GALNTL6: variants seen among roughly 807,000 people sequenced by gnomAD.
GALNTL6 encodes polypeptide N-acetylgalactosaminyltransferase like 6.
In GALNTL6, 46 loss-of-function variants were observed where a neutral mutation model predicts 73.7. That is an observed-to-expected ratio of 0.62 (90% CI 0.49 to 0.80). The LOEUF (loss-of-function observed/expected upper bound fraction) is 0.80, where lower values mean the gene tolerates loss of function less well. Among genes scored for constraint, GALNTL6 ranks in the 30% least tolerant of loss-of-function variants. The pLI is 0.00. For missense variants in GALNTL6, 604 were observed against 755.0 expected (o/e 0.80, Z 2.34); for synonymous variants, 259 against 263.7 (o/e 0.98, Z 0.17).
intron 3 of GALNTL6, among the ~76,000 whole-genome samples, chr4:172,234,674 T>C (rs1007851930): frequency 1.3e-5 from 2 of 152,168 alleles, no homozygotes; most frequent in Admixed American, 6.5e-5. Context: ...TCTTCCTTTT[T>C]TTAATAGCTA....
rs75093776 is a variant in GALNTL6 at position 172,977,218 on chromosome 4, C to A, written c.1371+24960C>A. On this transcript the variant is annotated intron_variant, in intron 10 of 12. Transcript: ENST00000506823. Reference sequence around the variant, plus strand: ...TGGGTTTGTTTGCCAGAAAGAACAACACTCTGGGTCTATTGATGGAAGCAT... The same window carrying A: ...TGGGTTTGTTTGCCAGAAAGAACAAAACTCTGGGTCTATTGATGGAAGCAT... Among the ~76,000 whole-genome samples, 74 of 152,322 alleles carry A rather than the reference C, an allele frequency of 4.9e-4. No individual in the cohort carries two copies. The East Asian group carries it at 0.014, about 28-fold the overall frequency.
At chr4:171,847,513 A>G (rs1735405807) in intron 2 of GALNTL6, among the ~76,000 whole-genome samples, 1 of 152,168 alleles carries the variant, frequency 6.6e-6, no homozygotes, top group Admixed American at 6.6e-5. Flanking sequence ...GTCCTTTCAC[A>G]CAAGATTTTT....
At chr4:172,589,492 A>G (rs751488622) in intron 5 of GALNTL6, among the ~76,000 whole-genome samples, 26 of 152,190 alleles carry the variant, frequency 1.7e-4, no homozygotes, top group Non-Finnish European at 3.7e-4. Context: ...GAAGAAGGCA[A>G]GCATTAAGAC....
chr4:171,867,292 A>T (rs1407431576), intron 2 of GALNTL6, among the ~76,000 whole-genome samples: 1 of 152,208 alleles, frequency 6.6e-6, no homozygotes, highest in African/African-American at 2.4e-5. Context: ...AATTCAGTTG[A>T]CAAAAGGGCC....
chr4:172,393,182 A>T (rs534110891), intron 5 of GALNTL6, among the ~76,000 whole-genome samples: 3 of 152,220 alleles, frequency 2.0e-5, no homozygotes, highest in Admixed American at 2.0e-4. Flanking sequence ...AGCCGCTGCT[A>T]TATATGAACA....
At chr4:172,835,220 AAGTG>A (rs1262927003) in intron 7 of GALNTL6, among the ~76,000 whole-genome samples, 2 of 152,226 alleles carry the variant, frequency 1.3e-5, no homozygotes, top group Admixed American at 6.5e-5. Flanking sequence ...ATTTGAAACA[AAGTG>A]AGTGAGAGGG....
At chr4:171,855,777 G>A (rs952385002) in intron 2 of GALNTL6, among the ~76,000 whole-genome samples, 1 of 152,156 alleles carries the variant, frequency 6.6e-6, no homozygotes, top group African/African-American at 2.4e-5. Flanking sequence ...TTTGGTGTTT[G>A]TCAGTGTTTT....
chr4:172,945,602 G>C (rs528775156), intron 9 of GALNTL6, among the ~76,000 whole-genome samples: 2 of 152,144 alleles, frequency 1.3e-5, no homozygotes, highest in South Asian at 4.1e-4. Context: ...AAATATTTGG[G>C]CAAAAATACA....
chr4:172,692,669 G>A (rs1441949780), intron 5 of GALNTL6, among the ~76,000 whole-genome samples: 1 of 152,056 alleles, frequency 6.6e-6, no homozygotes, highest in African/African-American at 2.4e-5. Context: ...TTTATGGGAA[G>A]TAGGAAACCT....
chr4:172,731,137 TA>T (rs1736127618), intron 5 of GALNTL6, among the ~76,000 whole-genome samples: 1 of 152,086 alleles, frequency 6.6e-6, no homozygotes, highest in Non-Finnish European at 1.5e-5. Flanking sequence ...AGTTCTTCTT[TA>T]AATATATGGT....
intron 2 of GALNTL6, among the ~76,000 whole-genome samples, chr4:172,099,530 AT>A (rs1392316860): frequency 6.6e-6 from 1 of 152,078 alleles, no homozygotes; most frequent in Non-Finnish European, 1.5e-5. Flanking sequence ...ACCAGAAATA[AT>A]TGGAGGAAGA....
chr4:172,119,953 G>A (rs1388253770), intron 2 of GALNTL6, among the ~76,000 whole-genome samples: 1 of 152,112 alleles, frequency 6.6e-6, no homozygotes, highest in Non-Finnish European at 1.5e-5. Flanking sequence ...TGTAAAAAGA[G>A]CTCAAGAGTT....
chr4:172,312,079 T>C (rs1255456421), intron 4 of GALNTL6, among the ~76,000 whole-genome samples: 2 of 152,224 alleles, frequency 1.3e-5, no homozygotes, highest in African/African-American at 2.4e-5. Flanking sequence ...TTGCTGGTTA[T>C]TAGAGCTACC....
intron 2 of GALNTL6, among the ~76,000 whole-genome samples, chr4:172,017,352 G>T (rs1461934718): frequency 6.6e-6 from 1 of 152,154 alleles, no homozygotes; most frequent in African/African-American, 2.4e-5. Context: ...TTTGAGTGGG[G>T]AGGGATTGTG....
rs1579599139 is a variant in GALNTL6 at position 172,877,597 on chromosome 4, A to G, written c.924-5193A>G. 4.6e-5 allele frequency among the ~76,000 whole-genome samples: 7 copies of G among 152,120 alleles called. No homozygotes were observed. The South Asian group carries it at 1.4e-3, about 32-fold the overall frequency. ...AAGTTTAGAATATAAAAATTGCTAT[A>G]GAAAAGTAAACTAGTCTACCATATG... On this transcript the variant is annotated intron_variant, in intron 7 of 12. Coordinates refer to ENST00000506823, the MANE Select transcript of GALNTL6 (RefSeq NM_001034845.3).
chr4:172,003,579 T>C (rs1164920676), intron 2 of GALNTL6, among the ~76,000 whole-genome samples: 1 of 152,172 alleles, frequency 6.6e-6, no homozygotes. Flanking sequence ...CTTCATATAT[T>C]CAACAGCTAT....
intron 10 of GALNTL6, among the ~76,000 whole-genome samples, chr4:172,965,181 GA>G (rs1750266704): frequency 6.6e-6 from 1 of 152,184 alleles, no homozygotes; most frequent in African/African-American, 2.4e-5. Flanking sequence ...ACGAGGTTGG[GA>G]AAAATGTAAG....
intron 5 of GALNTL6, among the ~76,000 whole-genome samples, chr4:172,731,459 C>T (rs887247808): frequency 2.0e-5 from 3 of 152,010 alleles, no homozygotes; most frequent in African/African-American, 7.2e-5. Flanking sequence ...CTTAGTCTAG[C>T]TAAAGGTTTG....
intron 5 of GALNTL6, among the ~76,000 whole-genome samples, chr4:172,648,388 GA>G (rs1740334672): frequency 6.6e-6 from 1 of 152,112 alleles, no homozygotes; most frequent in Non-Finnish European, 1.5e-5. Flanking sequence ...GGGAACACAA[GA>G]ATCTTTTACT....
Sources: gnomAD v4.1 joint callset for allele counts (sites outside exome capture counted in the v4.1 genomes callset) on GRCh38, gnomAD v4.1.1 for gene constraint, MANE v1.5 for transcripts, NCBI Gene and HGNC (gene_info 2026-07-23, HGNC 2026-07-21) for gene names.